Variants in DYSF observed in about 807,000 individuals in gnomAD.
The protein encoded by DYSF is dysferlin, also known as dystrophy-associated fer-1-like 1.
A neutral mutation model predicts 274.9 loss-of-function variants in DYSF; 212 were observed. The observed-to-expected ratio is 0.77, with a 90% CI of 0.69 to 0.86. The LOEUF is 0.86. Ranked by LOEUF, DYSF falls within the 40% of genes least tolerant of loss-of-function variation. The probability of loss-of-function intolerance (pLI) is 0.00; values close to 1 mark genes in which losing one functional copy is unlikely to be tolerated. For synonymous variants in DYSF, 1,091 were observed against 1,078.7 expected (o/e 1.01, Z -0.22); for missense variants, 2,666 against 2,783.2 (o/e 0.96, Z 0.95).
rs1573715758 is a variant in DYSF at position 71,522,424 on chromosome 2, C to CAGCACCATACAGACACCTA, written c.1149+1520_1149+1521insAGCACCATACAGACACCTA. Among the ~76,000 whole-genome samples, 20 of 152,048 alleles carry CAGCACCATACAGACACCTA rather than the reference C, an allele frequency of 1.3e-4. No homozygotes were observed. The East Asian group carries it at 3.7e-3, about 28-fold the overall frequency. On this transcript the variant is annotated intron_variant, in intron 12 of 55. Coordinates refer to ENST00000410020, the MANE Select transcript of DYSF (RefSeq NM_001130987.2). ...GTTAGACTGCACCACTGCTCCATAGCGTTCGATTCTGGAGCCCACGCCTTA... is the reference window on the plus strand; with the variant it reads ...GTTAGACTGCACCACTGCTCCATAGCAGCACCATACAGACACCTAGTTCGATTCTGGAGCCCACGCCTTA...
chr2:71,516,904 T>C (rs2086713400), intron 9 of DYSF, 85 bp from the exon 10 acceptor site: 3 of 1,224,520 alleles, frequency 2.4e-6, no homozygotes, highest in African/African-American at 1.5e-5. Context: ...TTGGCAGTTA[T>C]TGTTTGGGAG....
At chr2:71,648,759 A>C (rs2152929065) in intron 42 of DYSF, among the ~76,000 whole-genome samples, 1 of 152,330 alleles carries the variant, frequency 6.6e-6, no homozygotes, top group Non-Finnish European at 1.5e-5. Flanking sequence ...AAAAGAAAAA[A>C]GCAATATTAA....
intron 3 of DYSF, among the ~76,000 whole-genome samples, chr2:71,496,143 T>C (rs1448049706): frequency 6.6e-6 from 1 of 152,034 alleles, no homozygotes; most frequent in Non-Finnish European, 1.5e-5. Flanking sequence ...CCTCTTCATA[T>C]GATACTTTAA....
At chr2:71,650,493 A>G (rs186434751) in intron 42 of DYSF, among the ~76,000 whole-genome samples, 56 of 152,248 alleles carry the variant, frequency 3.7e-4, no homozygotes, top group African/African-American at 1.3e-3. Flanking sequence ...AAATAAATAA[A>G]TAAATAAAAT....
intron 43 of DYSF, 70 bp from the exon 44 acceptor site, chr2:71,658,808 G>C: frequency 6.3e-7 from 1 of 1,587,590 alleles, no homozygotes; most frequent in Non-Finnish European, 8.6e-7. Flanking sequence ...GTTGAGATTT[G>C]GGTGGGGACA....
chr2:71,553,549 A>G (rs545566494), intron 20 of DYSF, among the ~76,000 whole-genome samples: 1 of 152,294 alleles, frequency 6.6e-6, no homozygotes, highest in East Asian at 1.9e-4. Flanking sequence ...TGAGAGCTGC[A>G]GCTGTCTGCT....
chr2:71,603,084 A>T (rs1418902972), intron 36 of DYSF, among the ~76,000 whole-genome samples: 1 of 152,234 alleles, frequency 6.6e-6, no homozygotes, highest in Non-Finnish European at 1.5e-5. Context: ...TAAATGATTA[A>T]GTACCAGGTG....
At position 71,611,291 on chromosome 2, in the gene DYSF, A is replaced by G. The variant is rs996859580; in HGVS notation, c.4004A>G (p.Asn1335Ser). Residue 1335 changes from asparagine to serine, a missense_variant, in exon 37 of 56, where the codon AAC becomes AGC. Around this residue, in one of 3 missense-constraint regions of DYSF, gnomAD observed 1,460 missense variants for 1,502.1 expected, o/e 0.97. Transcript: ENST00000410020. ...LPYPPPQREA[N>S]IYMVPQNIKP... ...TACCCACCACCCCAGAGGGAGGCCAACATCTACATGGTTCCTCAGAACATC... is the reference window on the plus strand; with the variant it reads ...TACCCACCACCCCAGAGGGAGGCCAGCATCTACATGGTTCCTCAGAACATC... 9 of 1,613,890 alleles carry G rather than the reference A, an allele frequency of 5.6e-6. No homozygotes were observed. The highest frequency in any genetic ancestry group is 1.1e-5 in the South Asian group (1 of 91,082).
chr2:71,606,211 C>T lies in DYSF; in HGVS notation c.3957+3406C>T, dbSNP rs1432592491. The stretch of plus-strand genomic sequence containing the variant: ...TAGACTGAAGTGGGCTTGAGGATGG[C>T]TTCAGCTCTGGTAGGGGAGAGAGCT... On this transcript the variant is annotated intron_variant, in intron 36 of 55. Coordinates refer to ENST00000410020, the MANE Select transcript of DYSF (RefSeq NM_001130987.2). Among the ~76,000 whole-genome samples the T allele has an allele frequency of 2.0e-5, 3 of 152,194 alleles. No homozygotes were observed. In the East Asian group the frequency reaches 5.8e-4, roughly 29 times the overall value.
At chr2:71,626,741 C>T (rs1004404477) in intron 41 of DYSF, among the ~76,000 whole-genome samples, 24 of 151,848 alleles carry the variant, frequency 1.6e-4, no homozygotes, top group South Asian at 8.3e-4. Context: ...TTGTGTAAGC[C>T]GTAAGATTGG....
In DYSF at chr2:71,679,307, C is replaced by T. The variant is rs1386708675; in HGVS notation, c.6063+72C>T. On this transcript the variant is annotated intron_variant, in intron 53 of 55. Coordinates refer to ENST00000410020, the MANE Select transcript of DYSF (RefSeq NM_001130987.2). The stretch of plus-strand genomic sequence containing the variant: ...CTTCCATAGAAATTGTCAGAAAATA[C>T]GTCATCAGAAAATACATGCTTACTG... The T allele has an allele frequency of 3.3e-5, 48 of 1,462,402 alleles. No individual in the cohort carries two copies. In the East Asian group the frequency reaches 3.8e-4, roughly 12 times the overall value. The allele number at this position is 1,462,402 out of a possible 1,614,324, so 90.6% of individuals were successfully genotyped here. A position where few individuals can be genotyped will look rare whatever the true frequency, so the allele number is the denominator to read the frequency against.
intron 4 of DYSF, among the ~76,000 whole-genome samples, chr2:71,506,846 C>T (rs116221790): frequency 0.031 from 4,757 of 152,108 alleles, 112 homozygotes; most frequent in Non-Finnish European, 0.038. Flanking sequence ...AGACCCTGAG[C>T]TCCAGAGCCT....
rs375089595 is a variant in DYSF, at chr2:71,611,298, C to T, written c.4011C>T (p.Tyr1337=). ...YPPPQREANI[Y]MVPQNIKPAL... ...CACCCCAGAGGGAGGCCAACATCTA[C>T]ATGGTTCCTCAGAACATCAAGCCAG... The change falls in exon 37 of 56, where the codon TAC becomes TAT. Residue 1337 remains tyrosine (Y), a synonymous_variant. Transcript: ENST00000410020. 2 of 1,613,942 alleles carry T rather than the reference C, an allele frequency of 1.2e-6. No homozygotes were observed. Among genetic ancestry groups the T allele is most frequent in the African/African-American group, 1.3e-5 (1 of 74,936 alleles).
At chr2:71,473,184 G>T (rs2082158752) in intron 1 of DYSF, among the ~76,000 whole-genome samples, 1 of 152,198 alleles carries the variant, frequency 6.6e-6, no homozygotes, top group Non-Finnish European at 1.5e-5. Context: ...CCATGGCAGG[G>T]CAGGTGTCAG....
intron 22 of DYSF, among the ~76,000 whole-genome samples, chr2:71,556,986 G>T (rs1180339927): frequency 6.6e-6 from 1 of 152,180 alleles, no homozygotes; most frequent in Non-Finnish European, 1.5e-5. Flanking sequence ...TCTATTGTTT[G>T]TGGCTCAGTT....
chr2:71,498,366 G>T (rs898047381), intron 3 of DYSF, among the ~76,000 whole-genome samples: 12 of 152,340 alleles, frequency 7.9e-5, no homozygotes, highest in Admixed American at 2.0e-4. Flanking sequence ...GATTTGTTGG[G>T]TCAGGGATGG....
chr2:71,551,608 G>A lies in DYSF; in HGVS notation c.1694G>A (p.Gly565Glu), dbSNP rs1183150795. The A allele has an allele frequency of 1.2e-6, 2 of 1,604,164 alleles. No individual in the cohort carries two copies. The highest frequency in any genetic ancestry group is 1.3e-5 in the African/African-American group (1 of 74,918). ...CTTGTGACCTGACCTCCCTGGCAGG[G>A]GGAAGGTGTGGCTTATCGTGGCCGG... ...DPYTELNTGK[G>E]EGVAYRGRLL... The change falls in exon 19 of 56, where the codon GGG becomes GAG. Residue 565 changes from glycine (G) to glutamate (E), a missense_variant and splice_region_variant. By Grantham distance (98) the Gly-to-Glu change is moderately conservative (BLOSUM62 -2). Transcript: ENST00000410020.
At chr2:71,545,724 G>A (rs985703517) in intron 17 of DYSF, among the ~76,000 whole-genome samples, 2 of 152,114 alleles carry the variant, frequency 1.3e-5, no homozygotes, top group Non-Finnish European at 2.9e-5. Context: ...GTTTCATGAC[G>A]CTGCAGCCGT....
chr2:71,637,718 C>G (rs1416660687), intron 41 of DYSF, among the ~76,000 whole-genome samples: 1 of 151,960 alleles, frequency 6.6e-6, no homozygotes, highest in Non-Finnish European at 1.5e-5. Flanking sequence ...GCCAGAAGTA[C>G]AATGGAACAA....
Sources: allele counts gnomAD v4.1 joint callset (sites outside exome capture counted in the v4.1 genomes callset), GRCh38; gene constraint gnomAD v4.1.1; regional missense constraint gnomAD v4.1.1; transcripts MANE v1.5; gene names NCBI Gene and HGNC (gene_info 2026-07-23, HGNC 2026-07-21).